CNTN5: variants seen among roughly 807,000 people sequenced by gnomAD.
The protein encoded by CNTN5 is contactin-5.
Under a neutral mutation model 129.1 loss-of-function variants are expected in CNTN5, and 77 were observed. The observed-to-expected ratio is 0.60, with a 90% CI of 0.50 to 0.72. CNTN5 has a LOEUF of 0.72. CNTN5 is among the 30% of genes least tolerant of loss of function. The pLI is 0.00. For synonymous variants in CNTN5, 509 were observed against 465.6 expected, an observed-to-expected ratio of 1.09 and a Z score of -1.20; for missense variants, 1,478 against 1,328.8, an observed-to-expected ratio of 1.11 and a Z score of -1.75.
chr11:99,965,323 CT>C (rs1280237063), intron 8 of CNTN5, among the ~76,000 whole-genome samples: 1 of 151,936 alleles, frequency 6.6e-6, no homozygotes, highest in African/African-American at 2.4e-5. Context: ...CCTATACACA[CT>C]GCTTTGAATA....
Position 100,061,315 on chromosome 11 carries a change from G to A in CNTN5, c.1084G>A (p.Asp362Asn). 1 of 1,613,578 alleles carries A rather than the reference G, an allele frequency of 6.2e-7. No individual in the cohort carries two copies. The highest frequency in any genetic ancestry group is 1.1e-5 in the South Asian group (1 of 91,066). The change falls in exon 10 of 25, where the codon GAT becomes AAT. Residue 362 changes from aspartate (D) to asparagine (N), a missense_variant. Transcript: ENST00000524871. ...AVLEIPNVQL[D>N]DAGIYECRAE... ...GCTGGAAATACCGAATGTACAGCTG[G>A]ATGATGCAGGCATTTATGAGTGCAG...
intron 7 of CNTN5, among the ~76,000 whole-genome samples, chr11:99,946,601 G>A (rs1407829237): frequency 1.3e-5 from 2 of 151,880 alleles, no homozygotes; most frequent in South Asian, 4.1e-4. Flanking sequence ...TAAGAGAAAG[G>A]GGAAAAATAA....
At chr11:99,776,303 G>A (rs1337783483) in intron 3 of CNTN5, among the ~76,000 whole-genome samples, 1 of 151,934 alleles carries the variant, frequency 6.6e-6, no homozygotes, top group Non-Finnish European at 1.5e-5. Context: ...AGGTAGAAAT[G>A]TCAGGAGAGC....
At chr11:99,440,948 AG>A (rs1366902112) in intron 2 of CNTN5, among the ~76,000 whole-genome samples, 2 of 149,936 alleles carry the variant, frequency 1.3e-5, no homozygotes, top group East Asian at 3.9e-4. Context: ...ATATCATAAC[AG>A]AGCTGGTAAG....
At chr11:99,612,402 C>T (rs908341862) in intron 3 of CNTN5, among the ~76,000 whole-genome samples, 27 of 152,026 alleles carry the variant, frequency 1.8e-4, no homozygotes, top group African/African-American at 2.7e-4. Context: ...CTTCCTCTTA[C>T]GTAATTTAAA....
chr11:99,664,119 CTT>C (rs1386137118), intron 3 of CNTN5, among the ~76,000 whole-genome samples: 3 of 152,096 alleles, frequency 2.0e-5, no homozygotes, highest in Non-Finnish European at 4.4e-5. Context: ...AGCCTTATGT[CTT>C]TCAGTTTGTA....
intron 2 of CNTN5, among the ~76,000 whole-genome samples, chr11:99,501,607 A>T (rs1168933499): frequency 6.6e-6 from 1 of 152,158 alleles, no homozygotes; most frequent in Non-Finnish European, 1.5e-5. Flanking sequence ...AGGACAAAAA[A>T]AGTTTTGAAT....
intron 3 of CNTN5, among the ~76,000 whole-genome samples, chr11:99,608,570 T>G (rs1265921241): frequency 6.6e-6 from 1 of 152,056 alleles, no homozygotes; most frequent in Non-Finnish European, 1.5e-5. Flanking sequence ...GAAACAAACA[T>G]GCATAAAGTG....
intron 1 of CNTN5, among the ~76,000 whole-genome samples, chr11:99,097,608 T>C (rs1444524417): frequency 2.6e-5 from 4 of 151,946 alleles, no homozygotes; most frequent in Non-Finnish European, 5.9e-5. Flanking sequence ...TTTAACTATA[T>C]TACTATATTC....
chr11:100,208,304 T>C (rs1948956741), intron 15 of CNTN5, among the ~76,000 whole-genome samples: 1 of 152,126 alleles, frequency 6.6e-6, no homozygotes, highest in Non-Finnish European at 1.5e-5. Flanking sequence ...AGTACATCTA[T>C]GGGTCTCACC....
At chr11:100,137,736 C>A (rs970733732) in intron 13 of CNTN5, among the ~76,000 whole-genome samples, 1 of 151,726 alleles carries the variant, frequency 6.6e-6, no homozygotes, top group Non-Finnish European at 1.5e-5. Context: ...ATTATCAGGC[C>A]GGTATGGAAA....
At chr11:100,069,299 T>A (rs1196100377) in intron 10 of CNTN5, among the ~76,000 whole-genome samples, 1 of 152,058 alleles carries the variant, frequency 6.6e-6, no homozygotes, top group Non-Finnish European at 1.5e-5. Flanking sequence ...CCGATAGGCA[T>A]GTGCCACCAC....
chr11:99,748,137 A>T (rs917303233), intron 3 of CNTN5, among the ~76,000 whole-genome samples: 1 of 152,084 alleles, frequency 6.6e-6, no homozygotes, highest in African/African-American at 2.4e-5. Flanking sequence ...GGATTTTTGC[A>T]TCTGAATTTT....
intron 3 of CNTN5, among the ~76,000 whole-genome samples, chr11:99,685,339 C>T (rs985134949): frequency 6.6e-6 from 1 of 151,552 alleles, no homozygotes; most frequent in South Asian, 2.1e-4. Flanking sequence ...TAATGTGTAC[C>T]ATAGTTGCTG....
intron 3 of CNTN5, among the ~76,000 whole-genome samples, chr11:99,597,653 A>G (rs1238679143): frequency 6.6e-6 from 1 of 152,088 alleles, no homozygotes; most frequent in Non-Finnish European, 1.5e-5. Flanking sequence ...TTTCTCAGAT[A>G]TCTTATACTA....
At chr11:99,420,940 C>A (rs909863417) in intron 2 of CNTN5, among the ~76,000 whole-genome samples, 13 of 152,154 alleles carry the variant, frequency 8.5e-5, no homozygotes, top group African/African-American at 2.9e-4. Flanking sequence ...TGCACTGTTA[C>A]AGAATCACAG....
chr11:99,228,030 C>T (rs1276438015), intron 1 of CNTN5, among the ~76,000 whole-genome samples: 1 of 151,956 alleles, frequency 6.6e-6, no homozygotes, highest in Non-Finnish European at 1.5e-5. Flanking sequence ...ATTGTACCAT[C>T]GCTTGATCTG....
rs1183932566 is a variant in CNTN5, at chr11:100,203,051, C to T, written c.1884+9388C>T. ...TCTTACCTCTTTAGCTGGGTAACTA[C>T]ATCTGTTACTACTATACTTACTTGA... On this transcript the variant is annotated intron_variant, in intron 15 of 24. Transcript: ENST00000524871. Among the ~76,000 whole-genome samples the T allele has an allele frequency of 2.6e-5, 4 of 152,150 alleles. No homozygotes were observed. The East Asian group carries it at 7.7e-4, about 29-fold the overall frequency.
intron 4 of CNTN5, among the ~76,000 whole-genome samples, chr11:99,836,373 A>C (rs937898183): frequency 1.4e-5 from 2 of 141,624 alleles, no homozygotes; most frequent in African/African-American, 5.3e-5. Context: ...ATTCCTACCT[A>C]TGAGTGAGAA....
Sources: allele counts gnomAD v4.1 joint callset (sites outside exome capture counted in the v4.1 genomes callset), GRCh38; gene constraint gnomAD v4.1.1; transcripts MANE v1.5; gene names NCBI Gene and HGNC (gene_info 2026-07-23, HGNC 2026-07-21).